DDX39B: variants seen among roughly 807,000 people sequenced by gnomAD.
The protein encoded by DDX39B is DExD-box helicase 39B.
A neutral mutation model predicts 46.4 loss-of-function variants in DDX39B; 6 were observed. The observed-to-expected ratio is 0.13, with a 90% CI of 0.07 to 0.26. The LOEUF (loss-of-function observed/expected upper bound fraction) is 0.26, where lower values mean the gene tolerates loss of function less well. Among genes scored for constraint, DDX39B ranks in the 10% least tolerant of loss-of-function variants. The probability of loss-of-function intolerance (pLI) is 1.00; values close to 1 mark genes in which losing one functional copy is unlikely to be tolerated. For missense variants in DDX39B, 185 were observed against 553.4 expected (o/e 0.33, Z 6.68); for synonymous variants, 174 against 199.4 (o/e 0.87, Z 1.07).
chr6:31,539,925 G>A (rs1209683814), intron 2 of DDX39B, among the ~76,000 whole-genome samples: 3 of 152,228 alleles, frequency 2.0e-5, no homozygotes, highest in Non-Finnish European at 4.4e-5. Flanking sequence ...GTGCTATCAC[G>A]AAAGAAAGAA....
At position 31,541,982 on chromosome 6, in the gene DDX39B, C is replaced by A; in HGVS notation, c.-165G>T. The A allele has an allele frequency of 1.5e-6, 1 of 676,482 alleles. No homozygotes were observed. Among genetic ancestry groups the A allele is most frequent in the Non-Finnish European group, 2.7e-6 (1 of 365,364 alleles). 41.9% of individuals were successfully genotyped at this position (676,482 alleles called of 1,614,324 possible). A position where few individuals can be genotyped will look rare whatever the true frequency, so the allele number is the denominator to read the frequency against. On this transcript the variant is annotated 5_prime_UTR_variant, in exon 1 of 11. Coordinates refer to ENST00000396172, the MANE Select transcript of DDX39B (RefSeq NM_004640.7). ...GGGAGAGCGCGTATGGCGGCAGCAA[C>A]AGCGACGAAGGAGGGAAATCTGCCT...
Position 31,535,023 on chromosome 6 carries a change from G to T in DDX39B, c.735+344C>A. 2.7e-6 allele frequency: 1 copy of T among 374,550 alleles called. No individual in the cohort carries two copies. The highest frequency in any genetic ancestry group is 5.1e-6 in the Non-Finnish European group (1 of 196,832). 23.2% of individuals were successfully genotyped at this position (374,550 alleles called of 1,614,324 possible). On this transcript the variant is annotated intron_variant, in intron 6 of 10. Coordinates refer to ENST00000396172, the MANE Select transcript of DDX39B (RefSeq NM_004640.7). The surrounding 1 kb of genome is among the most constrained non-coding windows in gnomAD (Gnocchi z 4.6). ...GCCACCTTGAGGGTGCGTGGCTGTA[G>T]GGTGCATGTAAGAGACGATGGATGG...
rs1413119232 is a variant in DDX39B, at chr6:31,534,523, C to A, written c.735+844G>T. The A allele has an allele frequency of 1.7e-5, 8 of 469,192 alleles. No homozygotes were observed. Among genetic ancestry groups the A allele is most frequent in the Non-Finnish European group, 2.2e-5 (5 of 226,668 alleles). 29.1% of individuals were successfully genotyped at this position (469,192 alleles called of 1,614,324 possible). A position where few individuals can be genotyped will look rare whatever the true frequency, so the allele number is the denominator to read the frequency against. On this transcript the variant is annotated intron_variant, in intron 6 of 10. Transcript: ENST00000396172. This position sits in a 1 kb window ranked among gnomAD's most constrained non-coding sequence, Gnocchi z 5.1. ...CCTCTCCTCTGAGTATTAAAAAAAA[C>A]AAAAAAATTTTTTTAAGAAAAAAAA...
Position 31,541,033 on chromosome 6 carries a change from G to C in DDX39B, c.-132-369C>G, listed in dbSNP as rs142145092. The C allele has an allele frequency of 0.012, 5,915 of 508,200 alleles. 118 individuals are homozygous for C. The Middle Eastern group carries it at 0.13, about 11-fold the overall frequency. The allele number at this position is 508,200 out of a possible 1,614,324, so 31.5% of individuals were successfully genotyped here. On this transcript the variant is annotated intron_variant, in intron 1 of 10. Coordinates refer to ENST00000396172, the MANE Select transcript of DDX39B (RefSeq NM_004640.7). ...AAATGGAGATGACAAGTAGAGTCCT[G>C]AAAAGTCCTCAAAGGAAGACTCCGC...
intron 4 of DDX39B, 68 bp downstream of exon 4, chr6:31,538,695 G>A (rs1247272606): frequency 5.1e-6 from 7 of 1,385,976 alleles, no homozygotes; most frequent in Non-Finnish European, 6.9e-6. Flanking sequence ...AGAGACTATT[G>A]GCCTACAAGT....
In DDX39B at chr6:31,541,986, G is replaced by A. The variant is rs1007703202; in HGVS notation, c.-169C>T. On this transcript the variant is annotated 5_prime_UTR_variant, in exon 1 of 11. Coordinates refer to ENST00000396172, the MANE Select transcript of DDX39B (RefSeq NM_004640.7). The stretch of plus-strand genomic sequence containing the variant: ...GAGCGCGTATGGCGGCAGCAACAGC[G>A]ACGAAGGAGGGAAATCTGCCTTCAC... 1 of 677,410 alleles carries A rather than the reference G, an allele frequency of 1.5e-6. No homozygotes were observed. The allele number at this position is 677,410 out of a possible 1,614,324, so 42.0% of individuals were successfully genotyped here. A position where few individuals can be genotyped will look rare whatever the true frequency, so the allele number is the denominator to read the frequency against.
chr6:31,540,359 C>G lies in DDX39B; in HGVS notation c.174G>C (p.Arg58=). ...RDFLLKPELL[R]AIVDCGFEHP... ...GCTCAAAGCCACAGTCGACAATGGC[C>G]CGGAGCAACTCTGGCTTGAGCAGGA... The change falls in exon 2 of 11, where the codon CGG becomes CGC. Residue 58 remains arginine (R), a synonymous_variant. Transcript: ENST00000396172. 4 of 1,614,196 alleles carry G rather than the reference C, an allele frequency of 2.5e-6. No individual in the cohort carries two copies. The highest frequency in any genetic ancestry group is 1.1e-5 in the South Asian group (1 of 91,090).
At position 31,539,420 on chromosome 6, in the gene DDX39B, CCT is replaced by C. The variant is rs1179650195; in HGVS notation, c.212-148_212-147del. ...CTTGCCAACTTCCAGACCCATTTTACCTCTCTCTGCTCAATTACATTCACCTC... is the reference window on the plus strand; with the variant it reads ...CTTGCCAACTTCCAGACCCATTTTACCTCTCTGCTCAATTACATTCACCTC... On this transcript the variant is annotated intron_variant, in intron 2 of 10. Transcript: ENST00000396172. 1.6e-5 allele frequency: 19 copies of C among 1,168,996 alleles called. No individual in the cohort carries two copies. The East Asian group carries it at 4.3e-4, about 27-fold the overall frequency. 72.4% of individuals were successfully genotyped at this position (1,168,996 alleles called of 1,614,324 possible).
intron 3 of DDX39B, 138 bp downstream of exon 3, chr6:31,539,009 C>A (rs1768095770): frequency 6.6e-7 from 1 of 1,519,530 alleles, no homozygotes; most frequent in African/African-American, 1.4e-5. Context: ...ACAGAACATC[C>A]CCCACAGCTG....
At chr6:31,536,745 G>A (rs1767823686) in intron 4 of DDX39B, 62 bp from the exon 5 acceptor site, 2 of 1,567,872 alleles carry the variant, frequency 1.3e-6, no homozygotes, top group Non-Finnish European at 1.7e-6. Flanking sequence ...TCCCCCCAGG[G>A]TTCCCACTCT....
intron 3 of DDX39B, 87 bp downstream of exon 3, chr6:31,539,060 C>A: frequency 6.2e-7 from 1 of 1,609,700 alleles, no homozygotes; most frequent in Non-Finnish European, 8.5e-7. Context: ...GCTCATGGCT[C>A]TGCAAGCATC....
chr6:31,536,840 C>T (rs1442498400), intron 4 of DDX39B, among the ~76,000 whole-genome samples, 157 bp from the exon 5 acceptor site: 1 of 152,208 alleles, frequency 6.6e-6, no homozygotes, highest in Non-Finnish European at 1.5e-5. Context: ...ATGTCCCCCC[C>T]ACCAAACACT....
intron 2 of DDX39B, among the ~76,000 whole-genome samples, chr6:31,539,741 C>T (rs1768187471): frequency 6.6e-6 from 1 of 152,172 alleles, no homozygotes; most frequent in African/African-American, 2.4e-5. Context: ...TAGAGGTTTC[C>T]AGAGACCACA....
intron 3 of DDX39B, 73 bp downstream of exon 3, chr6:31,539,074 T>C (rs756709512): frequency 9.3e-6 from 15 of 1,612,354 alleles, no homozygotes; most frequent in Admixed American, 5.0e-5. Context: ...AAGCATCATG[T>C]AGCTAGGACA....
chr6:31,541,979 C>T lies in DDX39B; in HGVS notation c.-162G>A, dbSNP rs1175608346. On this transcript the variant is annotated 5_prime_UTR_variant, in exon 1 of 11. Coordinates refer to ENST00000396172, the MANE Select transcript of DDX39B (RefSeq NM_004640.7). Reference sequence around the variant, plus strand: ...ACAGGGAGAGCGCGTATGGCGGCAGCAACAGCGACGAAGGAGGGAAATCTG... The same window carrying T: ...ACAGGGAGAGCGCGTATGGCGGCAGTAACAGCGACGAAGGAGGGAAATCTG... 2.5e-5 allele frequency: 17 copies of T among 675,874 alleles called. No homozygotes were observed. The highest frequency in any genetic ancestry group is 4.4e-5 in the Non-Finnish European group (16 of 365,116). 41.9% of individuals were successfully genotyped at this position (675,874 alleles called of 1,614,324 possible).
rs961324131 is a variant in DDX39B, at chr6:31,540,639, C to T, written c.-107G>A. ...GGGATTGAGGAACAGCAAAGGAAAA[C>T]AAAGATACTATTTCTAACAGAAGAG... On this transcript the variant is annotated 5_prime_UTR_variant, in exon 2 of 11. Transcript: ENST00000396172. 4.9e-6 allele frequency: 5 copies of T among 1,022,214 alleles called. No homozygotes were observed. The highest frequency in any genetic ancestry group is 7.2e-6 in the Non-Finnish European group (5 of 689,984). The allele number at this position is 1,022,214 out of a possible 1,614,324, so 63.3% of individuals were successfully genotyped here. A position where few individuals can be genotyped will look rare whatever the true frequency, so the allele number is the denominator to read the frequency against.
rs1278293270 is a variant in DDX39B at position 31,535,923 on chromosome 6, G to A, written c.617-438C>T. Among the ~76,000 whole-genome samples, 1 of 152,096 alleles carries A rather than the reference G, an allele frequency of 6.6e-6. No homozygotes were observed. Among genetic ancestry groups the A allele is most frequent in the Non-Finnish European group, 1.5e-5 (1 of 68,026 alleles). ...TCCCTACCTGGAGCCCACCTTTATA[G>A]CTCACCATATAGAATTGCCAAAGAT... On this transcript the variant is annotated intron_variant, in intron 5 of 10. Transcript: ENST00000396172. The surrounding 1 kb of genome is among the most constrained non-coding windows in gnomAD (Gnocchi z 4.6).
In DDX39B at chr6:31,531,742, A is replaced by G. The variant is rs553726555; in HGVS notation, c.868-337T>C. ...GGGGTAACTGATATTCCTGCTCACC[A>G]AAACATTAAACCTAAGGGAGCTATC... On this transcript the variant is annotated intron_variant, in intron 7 of 10. Coordinates refer to ENST00000396172, the MANE Select transcript of DDX39B (RefSeq NM_004640.7). The surrounding 1 kb of genome is among the most constrained non-coding windows in gnomAD (Gnocchi z 5.8). 39 of 319,046 alleles carry G rather than the reference A, an allele frequency of 1.2e-4. No homozygotes were observed. The highest frequency in any genetic ancestry group is 2.2e-4 in the Non-Finnish European group (38 of 172,600). The allele number at this position is 319,046 out of a possible 1,614,324, so 19.8% of individuals were successfully genotyped here. A position where few individuals can be genotyped will look rare whatever the true frequency, so the allele number is the denominator to read the frequency against.
chr6:31,541,685 T>C (rs528951477), intron 1 of DDX39B: 16 of 516,996 alleles, frequency 3.1e-5, no homozygotes, highest in African/African-American at 5.8e-5. Context: ...AGGCCTCCAA[T>C]ATGAGAAGAA....
Sources: allele counts gnomAD v4.1 joint callset (sites outside exome capture counted in the v4.1 genomes callset), GRCh38; gene constraint gnomAD v4.1.1; non-coding constraint Gnocchi (gnomAD v3.1); transcripts MANE v1.5; gene names NCBI Gene and HGNC (gene_info 2026-07-23, HGNC 2026-07-21).